ADGRV1: variants seen among roughly 807,000 people sequenced by gnomAD.
The protein encoded by ADGRV1 is G-protein coupled receptor 98.
In ADGRV1, 359 loss-of-function variants were observed where a neutral mutation model predicts 596.2. That is an observed-to-expected ratio of 0.60 (90% CI 0.55 to 0.66). The LOEUF (loss-of-function observed/expected upper bound fraction) is 0.66. Among genes scored for constraint, ADGRV1 ranks in the 30% least tolerant of loss-of-function variants. ADGRV1 has a pLI of 0.00. For synonymous variants in ADGRV1, 2,681 were observed against 2,679.2 expected (o/e 1.00, Z -0.02); for missense variants, 7,274 against 7,575.6 (o/e 0.96, Z 1.48).
chr5:90,672,638 T>C lies in ADGRV1; in HGVS notation c.4845T>C (p.Ile1615=), dbSNP rs1772646136. The change falls in exon 22 of 90, where the codon ATT becomes ATC. Residue 1615 remains isoleucine (I), a synonymous_variant. Transcript: ENST00000405460. ...YVHVFYTISQ[I]ETDGINYLVD... ...ATGTTTTTTACACCATTTCACAGAT[T>C]GAAACTGATGGCATTAATTACCTTG... The C allele has an allele frequency of 6.2e-7, 1 of 1,613,594 alleles. No homozygotes were observed.
intron 21 of ADGRV1, among the ~76,000 whole-genome samples, chr5:90,667,754 G>T (rs538330431): frequency 3.2e-4 from 48 of 152,262 alleles, no homozygotes; most frequent in African/African-American, 1.1e-3. Context: ...TCTACTGTTG[G>T]TCTTTGATGA....
intron 50 of ADGRV1, among the ~76,000 whole-genome samples, chr5:90,737,948 T>G (rs531343055): frequency 0.012 from 1,834 of 152,162 alleles, 16 homozygotes; most frequent in Middle Eastern, 0.061. Context: ...GGAGCAGACT[T>G]GCTACTGCCC....
chr5:91,086,998 A>G (rs1317227642), intron 86 of ADGRV1, among the ~76,000 whole-genome samples: 1 of 152,156 alleles, frequency 6.6e-6, no homozygotes, highest in Non-Finnish European at 1.5e-5. Flanking sequence ...CACCAGCCAA[A>G]AGGAACAACT....
chr5:90,885,317 G>A (rs759072741), intron 83 of ADGRV1, among the ~76,000 whole-genome samples: 47 of 152,108 alleles, frequency 3.1e-4, no homozygotes, highest in Non-Finnish European at 5.4e-4. Flanking sequence ...TTGTTCCCAG[G>A]TGATTAACTC....
chr5:90,864,753 A>G (rs1350632026), intron 83 of ADGRV1, among the ~76,000 whole-genome samples: 3 of 152,300 alleles, frequency 2.0e-5, no homozygotes, highest in East Asian at 3.9e-4. Context: ...AATATTCTAT[A>G]TAATGCTCTT....
intron 84 of ADGRV1, among the ~76,000 whole-genome samples, chr5:90,981,877 C>T (rs957172905): frequency 6.6e-6 from 1 of 152,146 alleles, no homozygotes; most frequent in Non-Finnish European, 1.5e-5. Flanking sequence ...GAAGGTGCTC[C>T]TGACAATTTT....
chr5:90,726,015 A>G (rs1173141775), intron 48 of ADGRV1, among the ~76,000 whole-genome samples: 3 of 152,190 alleles, frequency 2.0e-5, no homozygotes, highest in Non-Finnish European at 2.9e-5. Context: ...GAAATCCCAC[A>G]TTTCTTTAGT....
At position 90,683,745 on chromosome 5, in the gene ADGRV1, G is replaced by A; in HGVS notation, c.5824G>A (p.Glu1942Lys). ...GGAGATATTGCCTGACGAAGACCCA[G>A]AACTGGATAAGGCATTCTCTGTGTC... ...TVEILPDEDPELDKAFSVSVL... is the reference protein window; with the variant it reads ...TVEILPDEDPKLDKAFSVSVL... Residue 1942 changes from glutamate to lysine, a missense_variant, in exon 28 of 90, where the codon GAA (glutamate) becomes AAA (lysine). Glu to Lys is a moderately conservative substitution (Grantham distance 56, BLOSUM62 1). Coordinates refer to ENST00000405460, the MANE Select transcript of ADGRV1 (RefSeq NM_032119.4). 1.9e-6 allele frequency: 3 copies of A among 1,613,884 alleles called. No individual in the cohort carries two copies. Among genetic ancestry groups the A allele is most frequent in the Non-Finnish European group, 2.5e-6 (3 of 1,179,880 alleles).
At chr5:90,887,068 G>T (rs1038069802) in intron 83 of ADGRV1, among the ~76,000 whole-genome samples, 1 of 152,042 alleles carries the variant, frequency 6.6e-6, no homozygotes, top group African/African-American at 2.4e-5. Context: ...GTCCTCTATT[G>T]ATACCCTTTT....
At chr5:91,030,220 C>A (rs984770361) in intron 85 of ADGRV1, among the ~76,000 whole-genome samples, 5 of 152,078 alleles carry the variant, frequency 3.3e-5, no homozygotes, top group Admixed American at 1.3e-4. Flanking sequence ...ATATTAAAGT[C>A]TTTGAAATGC....
At chr5:90,828,887 C>G in intron 76 of ADGRV1, 57 bp from the exon 77 acceptor site, 2 of 1,171,172 alleles carry the variant, frequency 1.7e-6, no homozygotes, top group Non-Finnish European at 2.3e-6. Context: ...TCAGAACTAT[C>G]TACAGATAGA....
chr5:91,023,759 G>A (rs936211626), intron 85 of ADGRV1, among the ~76,000 whole-genome samples: 4 of 152,004 alleles, frequency 2.6e-5, no homozygotes, highest in African/African-American at 9.7e-5. Flanking sequence ...TTCTTTTTTC[G>A]AAAATTCGAG....
rs3041948 is a variant in ADGRV1, at chr5:90,627,917, G to GACACACACACACAC, written c.1238+173_1238+186dup. ...AAAGTTTCATGACAAACTCAGAAAA[G>GACACACACACACAC]ACACACACACACACACACACACACA... On this transcript the variant is annotated intron_variant, in intron 7 of 89. Coordinates refer to ENST00000405460, the MANE Select transcript of ADGRV1 (RefSeq NM_032119.4). 2.3e-3 allele frequency: 538 copies of GACACACACACACAC among 230,370 alleles called. 6 individuals carry two copies. Among genetic ancestry groups the GACACACACACACAC allele is most frequent in the Admixed American group, 3.2e-3 (50 of 15,822 alleles). 14.3% of individuals were successfully genotyped at this position (230,370 alleles called of 1,614,324 possible).
At chr5:90,964,820 T>C (rs1386998994) in intron 83 of ADGRV1, among the ~76,000 whole-genome samples, 1 of 151,602 alleles carries the variant, frequency 6.6e-6, no homozygotes, top group Non-Finnish European at 1.5e-5. Flanking sequence ...GAAGTAGAGT[T>C]AGGGGAATTA....
intron 83 of ADGRV1, among the ~76,000 whole-genome samples, chr5:90,864,853 A>G (rs1767941897): frequency 6.6e-6 from 1 of 152,128 alleles, no homozygotes; most frequent in African/African-American, 2.4e-5. Context: ...ACAATACTCT[A>G]TTGATTGGGT....
intron 85 of ADGRV1, among the ~76,000 whole-genome samples, chr5:90,989,508 T>G (rs1251913790): frequency 6.6e-6 from 1 of 152,198 alleles, no homozygotes; most frequent in Non-Finnish European, 1.5e-5. Flanking sequence ...CCATCATCTC[T>G]TATTTCATCT....
intron 85 of ADGRV1, among the ~76,000 whole-genome samples, chr5:91,015,804 G>A (rs183437095): frequency 1.1e-4 from 17 of 151,782 alleles, no homozygotes; most frequent in Admixed American, 3.9e-4. Context: ...CGTACAATTG[G>A]GGCTTGCTTT....
chr5:90,775,668 G>A (rs1758150358), intron 60 of ADGRV1, among the ~76,000 whole-genome samples: 1 of 151,974 alleles, frequency 6.6e-6, no homozygotes, highest in South Asian at 2.1e-4. Flanking sequence ...TGCAGGGATG[G>A]AGTCTCCCTA....
chr5:90,860,226 T>C (rs557291071), intron 82 of ADGRV1, among the ~76,000 whole-genome samples: 3 of 152,300 alleles, frequency 2.0e-5, no homozygotes, highest in Middle Eastern at 3.4e-3. Flanking sequence ...CTCACCACTC[T>C]AGAATAACTC....
Sources: gnomAD v4.1 joint callset for allele counts (sites outside exome capture counted in the v4.1 genomes callset) on GRCh38, gnomAD v4.1.1 for gene constraint, MANE v1.5 for transcripts, NCBI Gene and HGNC (gene_info 2026-07-23, HGNC 2026-07-21) for gene names.